CNTNAP2: variants seen among roughly 807,000 people sequenced by gnomAD.
The protein encoded by CNTNAP2 is contactin-associated protein-like 2.
A neutral mutation model predicts 155.2 loss-of-function variants in CNTNAP2; 98 were observed. The observed-to-expected ratio is 0.63, with a 90% CI of 0.54 to 0.75. The LOEUF (loss-of-function observed/expected upper bound fraction) is 0.75. CNTNAP2 is among the 30% of genes least tolerant of loss of function. CNTNAP2 has a pLI of 0.00. For synonymous variants in CNTNAP2, 651 were observed against 631.2 expected, an observed-to-expected ratio of 1.03 and a Z score of -0.47; for missense variants, 1,727 against 1,688.1, an observed-to-expected ratio of 1.02 and a Z score of -0.40.
chr7:146,204,812 T>C (rs562981268), intron 1 of CNTNAP2, among the ~76,000 whole-genome samples: 2 of 152,086 alleles, frequency 1.3e-5, no homozygotes, highest in Non-Finnish European at 2.9e-5. Context: ...GCAAAATGTC[T>C]TTAATATTTT....
At chr7:147,366,174 T>C (rs1434095767) in intron 9 of CNTNAP2, among the ~76,000 whole-genome samples, 1 of 152,190 alleles carries the variant, frequency 6.6e-6, no homozygotes, top group Non-Finnish European at 1.5e-5. Flanking sequence ...TCACAATCTG[T>C]ACTTTTATCC....
At chr7:146,844,387 C>G (rs956415782) in intron 3 of CNTNAP2, among the ~76,000 whole-genome samples, 1 of 152,012 alleles carries the variant, frequency 6.6e-6, no homozygotes, top group Non-Finnish European at 1.5e-5. Context: ...TATTTAGAAC[C>G]TCTTTTCCAA....
intron 3 of CNTNAP2, among the ~76,000 whole-genome samples, chr7:146,928,333 T>G (rs920951925): frequency 1.3e-5 from 2 of 152,214 alleles, no homozygotes; most frequent in African/African-American, 4.8e-5. Flanking sequence ...TTTGTGTAAT[T>G]TTCTAAGCAC....
intron 1 of CNTNAP2, among the ~76,000 whole-genome samples, chr7:146,131,968 G>A (rs1309217871): frequency 1.3e-5 from 2 of 152,044 alleles, no homozygotes; most frequent in Non-Finnish European, 2.9e-5. Context: ...TTTCCTTTCT[G>A]CCGTGATTGT....
At chr7:148,221,706 C>T (rs540152062) in intron 19 of CNTNAP2, among the ~76,000 whole-genome samples, 2 of 152,208 alleles carry the variant, frequency 1.3e-5, no homozygotes, top group Non-Finnish European at 2.9e-5. Context: ...TTTCACATAT[C>T]GAAAGCTCTG....
chr7:146,529,360 A>G (rs892418797), intron 1 of CNTNAP2, among the ~76,000 whole-genome samples: 1 of 152,156 alleles, frequency 6.6e-6, no homozygotes, highest in Non-Finnish European at 1.5e-5. Flanking sequence ...TCAGTATATA[A>G]CTTCAGTCTC....
At chr7:146,479,339 G>A (rs1796925607) in intron 1 of CNTNAP2, among the ~76,000 whole-genome samples, 1 of 152,142 alleles carries the variant, frequency 6.6e-6, no homozygotes, top group African/African-American at 2.4e-5. Context: ...CAGGAAAAAG[G>A]TTTAGTGGAG....
intron 3 of CNTNAP2, among the ~76,000 whole-genome samples, chr7:146,974,717 G>C (rs549511534): frequency 6.6e-5 from 10 of 152,072 alleles, no homozygotes; most frequent in African/African-American, 2.4e-4. Context: ...GCAAGAATAG[G>C]ACTGGGCACA....
chr7:148,306,681 G>A (rs1268156382), intron 21 of CNTNAP2, among the ~76,000 whole-genome samples: 1 of 151,886 alleles, frequency 6.6e-6, no homozygotes, highest in Admixed American at 6.6e-5. Context: ...TCTCTCAGAA[G>A]GTATTAATGA....
intron 1 of CNTNAP2, among the ~76,000 whole-genome samples, chr7:146,515,502 C>T (rs776625058): frequency 6.6e-6 from 1 of 152,006 alleles, no homozygotes; most frequent in Non-Finnish European, 1.5e-5. Context: ...AGTCTTGGTG[C>T]CAAACAGTTG....
intron 13 of CNTNAP2, among the ~76,000 whole-genome samples, chr7:147,760,699 A>C (rs1290046958): frequency 6.6e-6 from 1 of 152,186 alleles, no homozygotes; most frequent in Non-Finnish European, 1.5e-5. Context: ...GGTTGAAGTC[A>C]AACCAGCTGA....
chr7:147,393,728 TACAC>T (rs964323554), intron 9 of CNTNAP2, among the ~76,000 whole-genome samples: 2 of 151,628 alleles, frequency 1.3e-5, no homozygotes, highest in Non-Finnish European at 3.0e-5. Context: ...AAAATACACA[TACAC>T]ACACACACGA....
intron 21 of CNTNAP2, among the ~76,000 whole-genome samples, chr7:148,287,997 G>A (rs188876272): frequency 3.8e-4 from 57 of 151,428 alleles, no homozygotes; most frequent in Admixed American, 6.6e-4. Context: ...TCACCATGTT[G>A]GCCAGGATGG....
chr7:148,099,024 G>A (rs570775309), intron 15 of CNTNAP2, among the ~76,000 whole-genome samples: 3 of 152,246 alleles, frequency 2.0e-5, no homozygotes, highest in African/African-American at 7.2e-5. Context: ...GAGAACAGCC[G>A]GGGACAGTGA....
chr7:146,534,718 A>G (rs1797820914), intron 1 of CNTNAP2, among the ~76,000 whole-genome samples: 5 of 151,882 alleles, frequency 3.3e-5, no homozygotes, highest in Admixed American at 2.6e-4. Context: ...ACTTCCTACA[A>G]TTTAGACATT....
At chr7:147,883,512 G>A (rs1463943777) in intron 13 of CNTNAP2, among the ~76,000 whole-genome samples, 1 of 152,144 alleles carries the variant, frequency 6.6e-6, no homozygotes, top group African/African-American at 2.4e-5. Flanking sequence ...CACCAATACA[G>A]ATTCTGCAAA....
chr7:147,597,368 A>G (rs886449608), intron 12 of CNTNAP2, among the ~76,000 whole-genome samples: 1 of 152,076 alleles, frequency 6.6e-6, no homozygotes, highest in African/African-American at 2.4e-5. Flanking sequence ...ATCTTTTAGG[A>G]CCAGTTCAAA....
At chr7:147,735,394 T>C (rs968717631) in intron 13 of CNTNAP2, among the ~76,000 whole-genome samples, 1 of 152,218 alleles carries the variant, frequency 6.6e-6, no homozygotes, top group Non-Finnish European at 1.5e-5. Flanking sequence ...AGACAGTTTA[T>C]TATAATTTCT....
intron 1 of CNTNAP2, among the ~76,000 whole-genome samples, chr7:146,741,817 A>G (rs1801721589): frequency 6.6e-6 from 1 of 152,202 alleles, no homozygotes; most frequent in Non-Finnish European, 1.5e-5. Flanking sequence ...GGAAATAAGA[A>G]TACATTCTAT....
Sources: allele counts gnomAD v4.1 joint callset (sites outside exome capture counted in the v4.1 genomes callset), GRCh38; gene constraint gnomAD v4.1.1; transcripts MANE v1.5; gene names NCBI Gene and HGNC (gene_info 2026-07-23, HGNC 2026-07-21).